Variants in CRPPA observed in about 807,000 individuals in gnomAD.
CRPPA encodes the protein CDP-L-ribitol pyrophosphorylase A.
A neutral mutation model predicts 52.0 loss-of-function variants in CRPPA; 43 were observed. The observed-to-expected ratio is 0.83, with a 90% CI of 0.65 to 1.07. CRPPA has a LOEUF of 1.07. Among genes scored for constraint, CRPPA ranks in the 50% least tolerant of loss-of-function variants. CRPPA has a pLI of 0.00. For synonymous variants in CRPPA, 250 were observed against 203.5 expected (o/e 1.23, Z -1.94); for missense variants, 629 against 551.7 (o/e 1.14, Z -1.40).
At chr7:16,342,218 C>A (rs1160574366) in intron 3 of CRPPA, among the ~76,000 whole-genome samples, 2 of 152,102 alleles carry the variant, frequency 1.3e-5, no homozygotes, top group Non-Finnish European at 2.9e-5. Context: ...GTGTATGCTT[C>A]AATTTATTTC....
rs534699930 is a variant in CRPPA, at chr7:16,342,172, T to G, written c.685-33545A>C. 5.9e-5 allele frequency among the ~76,000 whole-genome samples: 9 copies of G among 152,328 alleles called. No individual in the cohort carries two copies. In the South Asian group the frequency reaches 1.9e-3, roughly 32 times the overall value. On this transcript the variant is annotated intron_variant, in intron 3 of 9. Coordinates refer to ENST00000407010, the MANE Select transcript of CRPPA (RefSeq NM_001101426.4). Reference sequence around the variant, plus strand: ...TTTCACAAGTGACCCTCTGATTATGTGTCCTAACATTTTATTTTCAGTTCC... The same window carrying G: ...TTTCACAAGTGACCCTCTGATTATGGGTCCTAACATTTTATTTTCAGTTCC...
intron 9 of CRPPA, among the ~76,000 whole-genome samples, chr7:16,124,005 A>C (rs920371280): frequency 7.2e-5 from 11 of 152,178 alleles, no homozygotes; most frequent in Non-Finnish European, 1.0e-4. Flanking sequence ...TAGAGCTGCA[A>C]TAAACATGGA....
At chr7:16,266,994 A>G (rs1783974206) in intron 6 of CRPPA, among the ~76,000 whole-genome samples, 1 of 152,222 alleles carries the variant, frequency 6.6e-6, no homozygotes. Context: ...TGATATGTGA[A>G]AAAGATATAA....
At chr7:16,338,730 A>T (rs1383122793) in intron 3 of CRPPA, among the ~76,000 whole-genome samples, 1 of 152,110 alleles carries the variant, frequency 6.6e-6, no homozygotes, top group Non-Finnish European at 1.5e-5. Context: ...AATAGATGTA[A>T]TGTCTATTAA....
rs139653328 is a variant in CRPPA at position 16,372,485 on chromosome 7, A to G, written c.684+3607T>C. 9.3e-4 allele frequency among the ~76,000 whole-genome samples: 141 copies of G among 152,316 alleles called. 3 individuals are homozygous for G. In the East Asian group the frequency reaches 0.025, roughly 27 times the overall value. On this transcript the variant is annotated intron_variant, in intron 3 of 9. Coordinates refer to ENST00000407010, the MANE Select transcript of CRPPA (RefSeq NM_001101426.4). Reference sequence around the variant, plus strand: ...GAAGGAGAGATAAAATCTTTTTCACACAAACAAATGCTGAGAAAATTTGCC... The same window carrying G: ...GAAGGAGAGATAAAATCTTTTTCACGCAAACAAATGCTGAGAAAATTTGCC...
intron 9 of CRPPA, among the ~76,000 whole-genome samples, chr7:16,117,457 G>A (rs1188062493): frequency 6.6e-6 from 1 of 152,106 alleles, no homozygotes; most frequent in Non-Finnish European, 1.5e-5. Flanking sequence ...GAGTTCTTTG[G>A]CCTCTAGACC....
Position 16,308,513 on chromosome 7 carries a change from T to A in CRPPA, c.789+10A>T. 1 of 1,476,504 alleles carries A rather than the reference T, an allele frequency of 6.8e-7. No homozygotes were observed. Among genetic ancestry groups the A allele is most frequent in the Non-Finnish European group, 9.4e-7 (1 of 1,059,712 alleles). The allele number at this position is 1,476,504 out of a possible 1,614,324, so 91.5% of individuals were successfully genotyped here. On this transcript the variant is annotated intron_variant, in intron 4 of 9. Coordinates refer to ENST00000407010, the MANE Select transcript of CRPPA (RefSeq NM_001101426.4). ...AGAAAAGAACCCAAGCAAGGTATCA[T>A]CCCTCTTACCTTCCAGAGGTCAGGT...
chr7:16,120,582 C>T (rs1336803725), intron 9 of CRPPA, among the ~76,000 whole-genome samples: 1 of 152,010 alleles, frequency 6.6e-6, no homozygotes, highest in Non-Finnish European at 1.5e-5. Flanking sequence ...CATTGTTCTC[C>T]AAATCTTTAT....
At chr7:16,257,715 T>G (rs1421497151) in intron 8 of CRPPA, among the ~76,000 whole-genome samples, 1 of 152,100 alleles carries the variant, frequency 6.6e-6, no homozygotes, top group Non-Finnish European at 1.5e-5. Context: ...CTGGAACCCC[T>G]TCACACAGCA....
At chr7:16,299,044 A>G (rs2128422353) in intron 5 of CRPPA, among the ~76,000 whole-genome samples, 1 of 152,306 alleles carries the variant, frequency 6.6e-6, no homozygotes. Context: ...AATCCCTCAT[A>G]ATAAATCTAT....
chr7:16,146,783 A>G (rs1195984845), intron 9 of CRPPA, among the ~76,000 whole-genome samples: 4 of 152,168 alleles, frequency 2.6e-5, no homozygotes, highest in Admixed American at 2.6e-4. Flanking sequence ...ATAAAGAAAA[A>G]GGAAGGCAAG....
chr7:16,319,441 C>T (rs955694128), intron 3 of CRPPA, among the ~76,000 whole-genome samples: 1 of 152,134 alleles, frequency 6.6e-6, no homozygotes, highest in African/African-American at 2.4e-5. Context: ...CAACATGGAT[C>T]CCCTAGCTTC....
intron 8 of CRPPA, among the ~76,000 whole-genome samples, chr7:16,257,502 A>T (rs928478115): frequency 6.6e-6 from 1 of 152,140 alleles, no homozygotes; most frequent in Non-Finnish European, 1.5e-5. Flanking sequence ...ATGACCAAAT[A>T]AAGAGGCCAC....
At chr7:16,263,706 C>T (rs921317791) in intron 6 of CRPPA, among the ~76,000 whole-genome samples, 14 of 151,684 alleles carry the variant, frequency 9.2e-5, no homozygotes, top group African/African-American at 2.7e-4. Flanking sequence ...GAGCTGAGAT[C>T]GTGCCACTGC....
intron 2 of CRPPA, among the ~76,000 whole-genome samples, chr7:16,397,886 C>T (rs1787653177): frequency 6.6e-6 from 1 of 152,184 alleles, no homozygotes; most frequent in East Asian, 1.9e-4. Flanking sequence ...ACGTGACCAA[C>T]GTGTGACCAA....
chr7:16,384,453 C>G (rs1787200923), intron 2 of CRPPA, among the ~76,000 whole-genome samples: 1 of 152,210 alleles, frequency 6.6e-6, no homozygotes, highest in Admixed American at 6.5e-5. Context: ...AAAACTACCC[C>G]TGCAAAGGGG....
intron 9 of CRPPA, among the ~76,000 whole-genome samples, chr7:16,192,930 C>A (rs1250127072): frequency 6.6e-6 from 1 of 152,092 alleles, no homozygotes; most frequent in African/African-American, 2.4e-5. Flanking sequence ...TTTTCTCACA[C>A]CAATTCTACA....
intron 6 of CRPPA, among the ~76,000 whole-genome samples, chr7:16,273,046 T>C (rs1378959316): frequency 2.6e-5 from 4 of 151,526 alleles, no homozygotes; most frequent in African/African-American, 4.8e-5. Flanking sequence ...ACATGTGCCA[T>C]GCTGGGGTGC....
intron 9 of CRPPA, among the ~76,000 whole-genome samples, chr7:16,095,319 C>T (rs1562500352): frequency 6.6e-6 from 1 of 152,076 alleles, no homozygotes; most frequent in African/African-American, 2.4e-5. Flanking sequence ...TTATATACAG[C>T]CTTGACAACT....
Sources: allele counts gnomAD v4.1 joint callset (sites outside exome capture counted in the v4.1 genomes callset), GRCh38; gene constraint gnomAD v4.1.1; transcripts MANE v1.5; gene names NCBI Gene and HGNC (gene_info 2026-07-23, HGNC 2026-07-21).